Variants in GCNT2 observed in about 807,000 individuals in gnomAD.
GCNT2 encodes glucosaminyl (N-acetyl) transferase 2 (I blood group), also known as N-acetyllactosaminide beta-1,6-N-acetylglucosaminyl-transferase.
In GCNT2, 34 loss-of-function variants were observed where a neutral mutation model predicts 34.2. The ratio of observed to expected loss-of-function variants is 1.00; its 90% CI spans 0.76 to 1.32. The LOEUF is 1.32. GCNT2 is among the 40% of genes most tolerant of loss of function. GCNT2 has a pLI of 0.00. For synonymous variants in GCNT2, 212 were observed against 188.0 expected, an observed-to-expected ratio of 1.13 and a Z score of -1.04; for missense variants, 584 against 489.4, an observed-to-expected ratio of 1.19 and a Z score of -1.82.
intron 3 of GCNT2, among the ~76,000 whole-genome samples, chr6:10,609,896 TTTG>T (rs147127707): frequency 0.43 from 64,878 of 151,600 alleles, 15,923 homozygotes; most frequent in East Asian, 0.64. Context: ...AGTTTGCTTG[TTTG>T]TTGGAGGGTG....
intron 3 of GCNT2, among the ~76,000 whole-genome samples, chr6:10,603,240 C>T (rs1233801634): frequency 1.3e-5 from 2 of 152,148 alleles, no homozygotes; most frequent in Admixed American, 1.3e-4. Context: ...GTACAGGTCC[C>T]TTGTAAAAGG....
At chr6:10,556,253 C>G in intron 3 of GCNT2, 1 of 1,470,122 alleles carries the variant, frequency 6.8e-7, no homozygotes, top group East Asian at 2.5e-5. Context: ...GGCACAGGGA[C>G]AGAGACAGCA....
intron 3 of GCNT2, among the ~76,000 whole-genome samples, chr6:10,541,595 G>T (rs477199): frequency 0.2 from 30,221 of 152,072 alleles, 4,375 homozygotes; most frequent in African/African-American, 0.41. Context: ...ATTAAGGGAA[G>T]TTAGCAGAGT....
chr6:10,603,817 C>CTTT (rs571206713), intron 3 of GCNT2, among the ~76,000 whole-genome samples: 3 of 114,728 alleles, frequency 2.6e-5, no homozygotes, highest in African/African-American at 3.6e-5. Context: ...GCCTGACAGT[C>CTTT]TTTTTTTTTT....
intron 3 of GCNT2, among the ~76,000 whole-genome samples, chr6:10,604,972 C>T (rs373122927): frequency 6.6e-6 from 1 of 151,916 alleles, no homozygotes; most frequent in Non-Finnish European, 1.5e-5. Context: ...TAGCAAGACC[C>T]TGTCTCTATA....
chr6:10,574,913 G>T, intron 3 of GCNT2: 1 of 705,926 alleles, frequency 1.4e-6, no homozygotes, highest in South Asian at 1.4e-5. Flanking sequence ...AAGCGTTTCA[G>T]GAAGCTAGCT....
At chr6:10,611,563 T>C (rs1765557258) in intron 3 of GCNT2, among the ~76,000 whole-genome samples, 3 of 152,068 alleles carry the variant, frequency 2.0e-5, no homozygotes, top group African/African-American at 7.2e-5. Flanking sequence ...TCTCTTGATC[T>C]CGTGGTCTGC....
chr6:10,550,751 G>A (rs1581392784), intron 3 of GCNT2, among the ~76,000 whole-genome samples: 1 of 152,136 alleles, frequency 6.6e-6, no homozygotes, highest in South Asian at 2.1e-4. Flanking sequence ...CAAAAGTGCT[G>A]GGATTGTAGG....
At chr6:10,571,950 G>A (rs1342962317) in intron 3 of GCNT2, among the ~76,000 whole-genome samples, 2 of 152,126 alleles carry the variant, frequency 1.3e-5, no homozygotes, top group Non-Finnish European at 2.9e-5. Context: ...CTTTCACACT[G>A]ATAGTTATTG....
At chr6:10,542,893 C>CTTTTTTTT (rs869251646) in intron 3 of GCNT2, among the ~76,000 whole-genome samples, 34 of 82,216 alleles carry the variant, frequency 4.1e-4, no homozygotes, top group East Asian at 7.7e-4. Flanking sequence ...TATGTTAATT[C>CTTTTTTTT]TTTTTTTTTT....
chr6:10,589,916 T>G (rs571449541), intron 3 of GCNT2, among the ~76,000 whole-genome samples: 2 of 152,220 alleles, frequency 1.3e-5, no homozygotes, highest in Non-Finnish European at 2.9e-5. Flanking sequence ...TGCAGACATT[T>G]AAGAAGCTCT....
At chr6:10,599,267 G>A (rs139642997) in intron 3 of GCNT2, among the ~76,000 whole-genome samples, 5 of 152,176 alleles carry the variant, frequency 3.3e-5, no homozygotes, top group African/African-American at 9.7e-5. Flanking sequence ...GTCAGTCCAC[G>A]TACTGCAACG....
intron 3 of GCNT2, among the ~76,000 whole-genome samples, chr6:10,559,786 GATAACGTGCC>G (rs1257323573): frequency 1.3e-5 from 2 of 152,226 alleles, no homozygotes; most frequent in Non-Finnish European, 2.9e-5. Context: ...TGCCTTTCAG[GATAACGTGCC>G]ATGTCCTGGG....
intron 3 of GCNT2, among the ~76,000 whole-genome samples, chr6:10,612,813 T>C (rs1765617213): frequency 6.6e-6 from 1 of 152,216 alleles, no homozygotes; most frequent in Admixed American, 6.5e-5. Context: ...TTATCGTGTG[T>C]AATGTCATAA....
At chr6:10,606,291 G>T (rs971121470) in intron 3 of GCNT2, among the ~76,000 whole-genome samples, 6 of 152,174 alleles carry the variant, frequency 3.9e-5, no homozygotes, top group Non-Finnish European at 7.3e-5. Context: ...CTCCAGCCTG[G>T]GTGACAGAGT....
chr6:10,578,815 A>T (rs1763941653), intron 3 of GCNT2, among the ~76,000 whole-genome samples: 1 of 151,898 alleles, frequency 6.6e-6, no homozygotes, highest in African/African-American at 2.4e-5. Context: ...GTTAACTTAG[A>T]TCCATTTTGT....
intron 3 of GCNT2, among the ~76,000 whole-genome samples, chr6:10,584,468 C>T (rs1376048061): frequency 6.6e-6 from 1 of 151,934 alleles, no homozygotes; most frequent in Non-Finnish European, 1.5e-5. Context: ...GCATTGAGGC[C>T]TTCTTCTTTC....
rs1225920778 is a variant in GCNT2 at position 10,577,371 on chromosome 6, A to G, written c.926-43980A>G. Among the ~76,000 whole-genome samples the G allele has an allele frequency of 2.6e-5, 4 of 152,244 alleles. No individual in the cohort carries two copies. The East Asian group carries it at 7.7e-4, about 29-fold the overall frequency. Reference sequence around the variant, plus strand: ...CCCTACCTTCGGGAGCTCAGCCACAAAGTGAGCAGAGTGGGATCTGTCACC... The same window carrying G: ...CCCTACCTTCGGGAGCTCAGCCACAGAGTGAGCAGAGTGGGATCTGTCACC... On this transcript the variant is annotated intron_variant, in intron 3 of 4. Coordinates refer to ENST00000495262, the MANE Select transcript of GCNT2 (RefSeq NM_145649.5).
At chr6:10,541,476 G>A (rs571277068) in intron 3 of GCNT2, among the ~76,000 whole-genome samples, 1 of 152,224 alleles carries the variant, frequency 6.6e-6, no homozygotes, top group Admixed American at 6.5e-5. Context: ...GTGAACATAC[G>A]CGTGCATGTA....
Sources: allele counts gnomAD v4.1 joint callset (sites outside exome capture counted in the v4.1 genomes callset), GRCh38; gene constraint gnomAD v4.1.1; transcripts MANE v1.5; gene names NCBI Gene and HGNC (gene_info 2026-07-23, HGNC 2026-07-21).